Variants in OR1B1 observed in about 807,000 individuals in gnomAD.
The protein encoded by OR1B1 is olfactory receptor family 1 subfamily B member 1.
For synonymous variants in OR1B1, 168 were observed against 156.2 expected (o/e 1.08, Z -0.57); for missense variants, 414 against 402.1 (o/e 1.03, Z -0.25).
chr9:122,633,325 A>G (rs188829625), upstream of OR1B1, among the ~76,000 whole-genome samples: 1 of 152,346 alleles, frequency 6.6e-6, no homozygotes, highest in East Asian at 1.9e-4. Flanking sequence ...ACCTAAACAC[A>G]AGACCTGAAA....
At chr9:122,631,678 C>T (rs1407241315), upstream of OR1B1, among the ~76,000 whole-genome samples, 3 of 152,090 alleles carry the variant, frequency 2.0e-5, no homozygotes, top group East Asian at 1.9e-4. Flanking sequence ...TATTAACATC[C>T]GTGTGGAACA....
the OR1B1 span, among the ~76,000 whole-genome samples, chr9:122,640,044 C>G: frequency 6.6e-6 from 1 of 152,036 alleles, no homozygotes; most frequent in African/African-American, 2.4e-5. Context: ...CTGAAGCATA[C>G]AGAAATTAAG....
the OR1B1 span, among the ~76,000 whole-genome samples, chr9:122,641,081 G>A: frequency 1.3e-5 from 2 of 152,166 alleles, no homozygotes; most frequent in Non-Finnish European, 2.9e-5. Flanking sequence ...GGTCAGGGAT[G>A]GAATGAGGTC....
chr9:122,628,534 C>A (rs374646996), downstream of OR1B1: 367 of 1,299,076 alleles, frequency 2.8e-4, no homozygotes, highest in Non-Finnish European at 3.9e-4. Context: ...TCAGAATATG[C>A]CCATGACTTT....
upstream of OR1B1, among the ~76,000 whole-genome samples, chr9:122,631,036 A>G (rs1278299813): frequency 6.6e-6 from 1 of 151,530 alleles, no homozygotes; most frequent in Non-Finnish European, 1.5e-5. Flanking sequence ...TTTTTTCTTA[A>G]TTCTCAAACA....
At chr9:122,631,351 G>T (rs1218102794), upstream of OR1B1, among the ~76,000 whole-genome samples, 1 of 151,562 alleles carries the variant, frequency 6.6e-6, no homozygotes, top group Non-Finnish European at 1.5e-5. Context: ...TAATTTTTTT[G>T]TATTTTTAGT....
chr9:122,637,405 T>TA, the OR1B1 span, among the ~76,000 whole-genome samples: 861 of 152,266 alleles, frequency 5.7e-3, 11 homozygotes, highest in African/African-American at 0.02. Flanking sequence ...CCCCCTCCCT[T>TA]ACATTGGACA....
chr9:122,639,771 A>T, the OR1B1 span: 1 of 149,196 alleles, frequency 6.7e-6, no homozygotes, highest in Non-Finnish European at 1.5e-5. Context: ...ATATATATTT[A>T]TATATATTTA....
the OR1B1 span, among the ~76,000 whole-genome samples, chr9:122,638,327 T>C: frequency 6.6e-6 from 1 of 152,214 alleles, no homozygotes; most frequent in Non-Finnish European, 1.5e-5. Context: ...AAGTTGGGTG[T>C]TTAGTATATG....
At chr9:122,650,126 A>T in the OR1B1 span, among the ~76,000 whole-genome samples, 1 of 152,184 alleles carries the variant, frequency 6.6e-6, no homozygotes, top group Non-Finnish European at 1.5e-5. Flanking sequence ...GGAAACCATC[A>T]TTCTCAGCAA....
At chr9:122,629,230 C>G in exon 1 of OR1B1, 1 of 1,614,074 alleles carries the variant, frequency 6.2e-7, no homozygotes. Context: ...AGAAAAAGAA[C>G]TGAGCCAAGC....
chr9:122,645,332 G>T, the OR1B1 span, among the ~76,000 whole-genome samples: 2 of 152,156 alleles, frequency 1.3e-5, no homozygotes, highest in Non-Finnish European at 1.5e-5. Flanking sequence ...TGCTCTTAAA[G>T]AGGAGGTAGA....
At chr9:122,650,303 A>G in the OR1B1 span, among the ~76,000 whole-genome samples, 1 of 152,118 alleles carries the variant, frequency 6.6e-6, no homozygotes, top group Non-Finnish European at 1.5e-5. Context: ...AATGTAGATG[A>G]CACGTTGATG....
At chr9:122,646,919 G>A in the OR1B1 span, among the ~76,000 whole-genome samples, 5 of 152,136 alleles carry the variant, frequency 3.3e-5, no homozygotes, top group East Asian at 3.8e-4. Context: ...GTTAAAAAGC[G>A]AGAGGACAAA....
chr9:122,642,642 A>T, the OR1B1 span, among the ~76,000 whole-genome samples: 4 of 152,118 alleles, frequency 2.6e-5, no homozygotes, highest in African/African-American at 9.7e-5. Context: ...CATGCCACTG[A>T]TCCTGTTGGG....
At chr9:122,651,024 C>CA in the OR1B1 span, among the ~76,000 whole-genome samples, 1,185 of 129,996 alleles carry the variant, frequency 9.1e-3, 10 homozygotes, top group African/African-American at 0.018. Context: ...GACGCCGTCT[C>CA]AAAAAAAAAA....
At position 122,629,323 on chromosome 9, in the gene OR1B1, T is replaced by TATCA; in HGVS notation, c.209_212dup (p.Met73ArgfsTer59). ...GTGTAACTGTGGATAGCCCCATGTCTATCACAGAGAGGCCACGAAGCAGAT... is the reference window on the plus strand; with the variant it reads ...GTGTAACTGTGGATAGCCCCATGTCTATCAATCACAGAGAGGCCACGAAGCAGAT... On this transcript the variant is annotated frameshift_variant, in exon 1 of 1. Transcript: ENST00000623530. LOFTEE classifies it low-confidence loss of function (END_TRUNC). The TATCA allele has an allele frequency of 1.9e-6, 3 of 1,614,056 alleles. No individual in the cohort carries two copies. The highest frequency in any genetic ancestry group is 2.5e-6 in the Non-Finnish European group (3 of 1,179,998).
At chr9:122,638,416 G>A in the OR1B1 span, among the ~76,000 whole-genome samples, 6 of 152,010 alleles carry the variant, frequency 3.9e-5, no homozygotes, top group African/African-American at 1.4e-4. Flanking sequence ...TAAAGCCAAG[G>A]GTAGCAATGG....
upstream of OR1B1, among the ~76,000 whole-genome samples, chr9:122,630,398 TC>T (rs1830192537): frequency 1.3e-5 from 2 of 152,230 alleles, no homozygotes; most frequent in African/African-American, 4.8e-5. Flanking sequence ...ATCCAATCAT[TC>T]CTTAACGTCT....
Sources: gnomAD v4.1 joint callset for allele counts (sites outside exome capture counted in the v4.1 genomes callset) on GRCh38, gnomAD v4.1.1 for gene constraint, MANE v1.5 for transcripts, NCBI Gene and HGNC (gene_info 2026-07-23, HGNC 2026-07-21) for gene names.